The following PLCG2 variants were observed in gnomAD, a reference collection of about 807,000 sequenced individuals.
PLCG2 encodes the protein phospholipase C gamma 2, also known as 1-phosphatidylinositol 4,5-bisphosphate phosphodiesterase gamma-2.
A neutral mutation model predicts 175.6 loss-of-function variants in PLCG2; 69 were observed. The observed-to-expected ratio is 0.39, with a 90% CI of 0.32 to 0.48. The LOEUF (loss-of-function observed/expected upper bound fraction) is 0.48, where lower values mean the gene tolerates loss of function less well. Among genes scored for constraint, PLCG2 ranks in the 20% least tolerant of loss-of-function variants. PLCG2 has a pLI of 0.91. For synonymous variants in PLCG2, 827 were observed against 624.0 expected, an observed-to-expected ratio of 1.33 and a Z score of -4.85; for missense variants, 1,798 against 1,650.9, an observed-to-expected ratio of 1.09 and a Z score of -1.54.
chr16:81,858,441 A>C lies in PLCG2; in HGVS notation c.431+85A>C, dbSNP rs1906797049. The C allele has an allele frequency of 8.1e-6, 3 of 372,624 alleles. No homozygotes were observed. The African/African-American group carries it at 9.0e-5, about 11-fold the overall frequency. The allele number at this position is 372,624 out of a possible 1,614,324, so 23.1% of individuals were successfully genotyped here. A position where few individuals can be genotyped will look rare whatever the true frequency, so the allele number is the denominator to read the frequency against. Reference sequence around the variant, plus strand: ...AGCCAACATGGGCTACAGGGGGGAAAAAAAAAAAAAGGGACATTGGTTTTT... The same window carrying C: ...AGCCAACATGGGCTACAGGGGGGAACAAAAAAAAAAGGGACATTGGTTTTT... On this transcript the variant is annotated intron_variant, in intron 4 of 32. Transcript: ENST00000564138.
intron 2 of PLCG2, among the ~76,000 whole-genome samples, chr16:81,846,304 G>A (rs1053131661): frequency 3.3e-5 from 5 of 152,104 alleles, no homozygotes; most frequent in Non-Finnish European, 5.9e-5. Context: ...ACATCCCCCC[G>A]CCACTCCCTA....
chr16:81,875,938 T>C (rs1046903735), intron 7 of PLCG2, among the ~76,000 whole-genome samples: 2 of 152,108 alleles, frequency 1.3e-5, no homozygotes, highest in African/African-American at 4.8e-5. Context: ...AGTTTATTCT[T>C]ATTGTCAGTG....
chr16:81,954,490 A>G (rs2143774820), intron 31 of PLCG2, among the ~76,000 whole-genome samples: 1 of 152,278 alleles, frequency 6.6e-6, no homozygotes, highest in African/African-American at 2.4e-5. Context: ...TAAGTCCCAC[A>G]TGCATTCCCC....
intron 22 of PLCG2, 75 bp from the exon 23 acceptor site, chr16:81,927,007 C>A: frequency 1.1e-6 from 1 of 906,104 alleles, no homozygotes. Flanking sequence ...AGCCAGCAGC[C>A]GGGTGCAGAT....
chr16:81,834,434 A>G (rs1444151745), intron 2 of PLCG2, among the ~76,000 whole-genome samples: 1 of 152,064 alleles, frequency 6.6e-6, no homozygotes, highest in Non-Finnish European at 1.5e-5. Flanking sequence ...GACTGGCAGG[A>G]CTCAGACCCC....
intron 2 of PLCG2, among the ~76,000 whole-genome samples, chr16:81,843,442 A>G (rs1905941261): frequency 6.6e-6 from 1 of 152,166 alleles, no homozygotes; most frequent in Non-Finnish European, 1.5e-5. Context: ...AATATATTAC[A>G]TCATATTACA....
intron 7 of PLCG2, among the ~76,000 whole-genome samples, chr16:81,872,008 G>T (rs1204191455): frequency 2.0e-5 from 3 of 152,146 alleles, no homozygotes; most frequent in Admixed American, 2.0e-4. Flanking sequence ...TTTACATCAG[G>T]AGTCAGGTCT....
At chr16:81,897,806 A>C (rs1597116524) in intron 13 of PLCG2, 1 of 455,198 alleles carries the variant, frequency 2.2e-6, no homozygotes, top group East Asian at 7.0e-5. Context: ...CAACCTCCCA[A>C]AGTGTGGGGA....
chr16:81,828,534 G>A (rs1234237658), intron 2 of PLCG2, among the ~76,000 whole-genome samples: 3 of 152,078 alleles, frequency 2.0e-5, no homozygotes, highest in South Asian at 2.1e-4. Context: ...CACCGCACCC[G>A]GCCGAGAAGC....
Position 81,806,611 on chromosome 16 carries a change from C to T in PLCG2, c.193+20429C>T, listed in dbSNP as rs557304976. Among the ~76,000 whole-genome samples, 6 of 152,022 alleles carry T rather than the reference C, an allele frequency of 3.9e-5. No individual in the cohort carries two copies. The South Asian group carries it at 6.3e-4, about 16-fold the overall frequency. ...CATTACATGATCATAGGATAGCCTG[C>T]AGACATGTGATTCGTGTCTTGTAAG... On this transcript the variant is annotated intron_variant, in intron 2 of 32. Transcript: ENST00000564138.
chr16:81,850,051 A>G (rs1488969357), intron 2 of PLCG2, among the ~76,000 whole-genome samples: 2 of 152,236 alleles, frequency 1.3e-5, no homozygotes, highest in African/African-American at 4.8e-5. Context: ...AGTCAAAGGC[A>G]CAAGAGAAAA....
At chr16:81,894,625 C>T (rs1908793444) in intron 12 of PLCG2, among the ~76,000 whole-genome samples, 1 of 152,218 alleles carries the variant, frequency 6.6e-6, no homozygotes, top group Non-Finnish European at 1.5e-5. Flanking sequence ...GTAATCCCAG[C>T]ACTGTGAGAG....
At chr16:81,854,314 C>A in intron 2 of PLCG2, 130 bp from the exon 3 acceptor site, 1 of 812,816 alleles carries the variant, frequency 1.2e-6, no homozygotes, top group Non-Finnish European at 2.1e-6. Flanking sequence ...AGTCCAGACG[C>A]AGAGATAGCT....
intron 12 of PLCG2, 105 bp downstream of exon 12, chr16:81,893,899 C>T: frequency 1.5e-6 from 1 of 668,932 alleles, no homozygotes; most frequent in South Asian, 1.7e-5. Context: ...TTAATGGACA[C>T]ATAATAACTG....
At chr16:81,841,590 T>A (rs992991630) in intron 2 of PLCG2, among the ~76,000 whole-genome samples, 1 of 151,976 alleles carries the variant, frequency 6.6e-6, no homozygotes, top group Non-Finnish European at 1.5e-5. Flanking sequence ...CTCTATAGGG[T>A]GTATGTTCTT....
At chr16:81,865,182 G>A (rs945328234) in intron 5 of PLCG2, among the ~76,000 whole-genome samples, 20 of 152,176 alleles carry the variant, frequency 1.3e-4, no homozygotes, top group African/African-American at 3.6e-4. Context: ...GTTCCCTTGC[G>A]TGGACTGGGT....
At chr16:81,931,929 C>T (rs549132110) in intron 25 of PLCG2, among the ~76,000 whole-genome samples, 5 of 152,298 alleles carry the variant, frequency 3.3e-5, no homozygotes, top group African/African-American at 7.2e-5. Flanking sequence ...GATGTCTTTG[C>T]GGCCCTACAT....
intron 7 of PLCG2, among the ~76,000 whole-genome samples, chr16:81,874,062 C>T (rs1189389628): frequency 6.6e-6 from 1 of 152,158 alleles, no homozygotes; most frequent in South Asian, 2.1e-4. Context: ...AAAGGTTGAC[C>T]CCTGGTGGCC....
chr16:81,944,843 A>T (rs572738658), intron 30 of PLCG2, among the ~76,000 whole-genome samples: 6 of 152,256 alleles, frequency 3.9e-5, no homozygotes, highest in African/African-American at 1.4e-4. Flanking sequence ...GTCCTGAACG[A>T]GTCCCCCATA....
Sources: allele counts gnomAD v4.1 joint callset (sites outside exome capture counted in the v4.1 genomes callset), GRCh38; gene constraint gnomAD v4.1.1; transcripts MANE v1.5; gene names NCBI Gene and HGNC (gene_info 2026-07-23, HGNC 2026-07-21).